The following MGST2 variants were observed in gnomAD, a reference collection of about 807,000 sequenced individuals.
MGST2 encodes glutathione peroxidase MGST2.
In MGST2, 9 loss-of-function variants were observed where a neutral mutation model predicts 16.6. The ratio of observed to expected loss-of-function variants is 0.54; its 90% CI spans 0.33 to 0.95. The LOEUF is 0.95. Among genes scored for constraint, MGST2 ranks in the 40% least tolerant of loss-of-function variants. The probability of loss-of-function intolerance (pLI) is 0.03; values close to 1 mark genes in which losing one functional copy is unlikely to be tolerated. For missense variants in MGST2, 159 were observed against 175.1 expected, an observed-to-expected ratio of 0.91 and a Z score of 0.52; for synonymous variants, 79 against 68.0, an observed-to-expected ratio of 1.16 and a Z score of -0.79.
Position 139,715,297 on chromosome 4 carries a change from C to A in MGST2, c.*48+11101C>A, listed in dbSNP as rs1407723887. Among the ~76,000 whole-genome samples, 2 of 152,204 alleles carry A rather than the reference C, an allele frequency of 1.3e-5. No homozygotes were observed. Among genetic ancestry groups the A allele is most frequent in the African/African-American group, 4.8e-5 (2 of 41,456 alleles). ...TCCTTTGTGTTAGGGGGTGTCTCCC[C>A]AGTATCGTCCCATCGTTCTCCAGAA... On this transcript the variant is annotated intron_variant, in intron 5 of 5. Transcript: ENST00000616265. This position sits in a 1 kb window ranked among gnomAD's most constrained non-coding sequence, Gnocchi z 4.4.
At chr4:139,743,802 G>A (rs533600562), downstream of MGST2, among the ~76,000 whole-genome samples, 6 of 152,282 alleles carry the variant, frequency 3.9e-5, no homozygotes, top group South Asian at 4.2e-4. Flanking sequence ...AAAAAAGGTC[G>A]ACAAGGCCAA....
At chr4:139,687,426 A>G (rs1480199855) in intron 2 of MGST2, among the ~76,000 whole-genome samples, 1 of 152,200 alleles carries the variant, frequency 6.6e-6, no homozygotes, top group Non-Finnish European at 1.5e-5. Flanking sequence ...GTTAGAGCAG[A>G]ATTCCCTGGG....
chr4:139,716,765 A>C (rs569749705), intron 5 of MGST2: 2 of 152,476 alleles, frequency 1.3e-5, no homozygotes, highest in East Asian at 3.8e-4. Flanking sequence ...GATTCAGATA[A>C]TCTTTTATTT....
At chr4:139,702,856 T>G (rs1367691836) in intron 3 of MGST2, among the ~76,000 whole-genome samples, 1 of 138,544 alleles carries the variant, frequency 7.2e-6, no homozygotes, top group African/African-American at 2.8e-5. Context: ...TTTTTTTTTT[T>G]TTTTTTTTTT....
chr4:139,739,593 C>A (rs1249342893), intron 5 of MGST2, among the ~76,000 whole-genome samples: 2 of 150,534 alleles, frequency 1.3e-5, no homozygotes, highest in Non-Finnish European at 1.5e-5. Flanking sequence ...ACTAGGCAGC[C>A]AATAAAAATC....
chr4:139,705,652 T>TG (rs1727490628), downstream of MGST2: 2 of 151,848 alleles, frequency 1.3e-5, no homozygotes, highest in Admixed American at 1.3e-4. Context: ...GAGGAAGAAG[T>TG]AAAAAAAGGA....
chr4:139,720,356 T>C, intron 5 of MGST2: 6 of 1,504,904 alleles, frequency 4.0e-6, no homozygotes, highest in Non-Finnish European at 5.3e-6. Context: ...TACCACTCAC[T>C]CTTCTCCATA....
chr4:139,740,072 C>T (rs577192018), intron 5 of MGST2: 6 of 152,226 alleles, frequency 3.9e-5, no homozygotes, highest in East Asian at 3.9e-4. Flanking sequence ...GCAACTAGGT[C>T]GGCTTTACAT....
intron 2 of MGST2, among the ~76,000 whole-genome samples, chr4:139,688,894 G>A (rs561987747): frequency 7.9e-5 from 12 of 152,212 alleles, no homozygotes; most frequent in South Asian, 6.2e-4. Context: ...ATCACTTGAG[G>A]TCAGGAGTTC....
At chr4:139,744,333 C>T (rs1158819655), downstream of MGST2, among the ~76,000 whole-genome samples, 1 of 152,132 alleles carries the variant, frequency 6.6e-6, no homozygotes, top group Admixed American at 6.5e-5. Context: ...GTTGATTTTT[C>T]TTAAAGAACA....
intron 1 of MGST2, among the ~76,000 whole-genome samples, chr4:139,669,471 A>G (rs1730551308): frequency 6.6e-6 from 1 of 152,202 alleles, no homozygotes; most frequent in African/African-American, 2.4e-5. Flanking sequence ...CTGCCCTTCA[A>G]TGTTACCATC....
rs958904461 is a variant in MGST2, at chr4:139,715,100, C to G, written c.*48+10904C>G. On this transcript the variant is annotated intron_variant, in intron 5 of 5. Transcript: ENST00000616265. This position sits in a 1 kb window ranked among gnomAD's most constrained non-coding sequence, Gnocchi z 4.4. ...ACTCTAACTCTCCTAAGTCGGGCCT[C>G]TAACCAGAGGTCGGTCAAGCATCCT... Among the ~76,000 whole-genome samples the G allele has an allele frequency of 2.0e-5, 3 of 152,194 alleles. No homozygotes were observed. Among genetic ancestry groups the G allele is most frequent in the African/African-American group, 4.8e-5 (2 of 41,448 alleles).
chr4:139,732,554 G>A (rs1221703970), intron 5 of MGST2, among the ~76,000 whole-genome samples: 1 of 146,524 alleles, frequency 6.8e-6, no homozygotes, highest in Non-Finnish European at 1.5e-5. Flanking sequence ...GGAAGACACA[G>A]AACTAGCAGA....
intron 5 of MGST2, among the ~76,000 whole-genome samples, chr4:139,710,835 T>A (rs1038981568): frequency 6.6e-6 from 1 of 152,318 alleles, no homozygotes; most frequent in East Asian, 1.9e-4. Context: ...CATGTTGTGA[T>A]ACTAAGCTTT....
rs1490964375 is a variant in MGST2 at position 139,715,322 on chromosome 4, A to AAT, written c.*48+11129_*48+11130dup. Among the ~76,000 whole-genome samples, 1 of 152,064 alleles carries AAT rather than the reference A, an allele frequency of 6.6e-6. No individual in the cohort carries two copies. Among genetic ancestry groups the AAT allele is most frequent in the Non-Finnish European group, 1.5e-5 (1 of 68,008 alleles). ...CAGTATCGTCCCATCGTTCTCCAGA[A>AAT]ATATGTTAGAGGACTCCAATACTTA... On this transcript the variant is annotated intron_variant, in intron 5 of 5. Transcript: ENST00000616265. The surrounding 1 kb of genome is among the most constrained non-coding windows in gnomAD (Gnocchi z 4.4).
intron 2 of MGST2, among the ~76,000 whole-genome samples, chr4:139,691,688 G>T (rs201436016): frequency 0.075 from 10,417 of 139,352 alleles, 509 homozygotes; most frequent in East Asian, 0.31. Flanking sequence ...TGATGATGAT[G>T]ATGATGATGA....
At chr4:139,674,944 C>T (rs961847391) in intron 1 of MGST2, among the ~76,000 whole-genome samples, 8 of 152,070 alleles carry the variant, frequency 5.3e-5, no homozygotes. Context: ...TGATTCTCTG[C>T]AGGCCCCTCA....
At chr4:139,693,646 A>G (rs567020929) in intron 2 of MGST2, among the ~76,000 whole-genome samples, 1 of 152,320 alleles carries the variant, frequency 6.6e-6, no homozygotes, top group South Asian at 2.1e-4. Context: ...CAACCATCAG[A>G]AGCAAAATCA....
chr4:139,730,783 G>C, intron 5 of MGST2: 1 of 949,742 alleles, frequency 1.1e-6, no homozygotes. Flanking sequence ...TGGACTGGAG[G>C]GTTTTTGAGT....
Sources: allele counts gnomAD v4.1 joint callset (sites outside exome capture counted in the v4.1 genomes callset), GRCh38; gene constraint gnomAD v4.1.1; non-coding constraint Gnocchi (gnomAD v3.1); transcripts MANE v1.5; gene names NCBI Gene and HGNC (gene_info 2026-07-23, HGNC 2026-07-21).